The following ZDHHC13 variants were observed in gnomAD, a reference collection of about 807,000 sequenced individuals.
The protein encoded by ZDHHC13 is zDHHC palmitoyltransferase 13.
A neutral mutation model predicts 86.0 loss-of-function variants in ZDHHC13; 85 were observed. That is an observed-to-expected ratio of 0.99 (90% confidence interval 0.83 to 1.18). The LOEUF is 1.18. Among genes scored for constraint, ZDHHC13 ranks in the 50% most tolerant of loss-of-function variants. The pLI is 0.00. For missense variants in ZDHHC13, 711 were observed against 730.2 expected (o/e 0.97, Z 0.30); for synonymous variants, 263 against 246.4 (o/e 1.07, Z -0.63).
chr11:19,130,672 T>C (rs966169572), intron 1 of ZDHHC13, among the ~76,000 whole-genome samples: 2 of 152,198 alleles, frequency 1.3e-5, no homozygotes, highest in African/African-American at 4.8e-5. Flanking sequence ...TTTTTGGTAA[T>C]ATAAGCATTT....
rs114355996 is a variant in ZDHHC13, at chr11:19,150,810, A to G, written c.584+19A>G. On this transcript the variant is annotated intron_variant, in intron 6 of 16. Coordinates refer to ENST00000446113, the MANE Select transcript of ZDHHC13 (RefSeq NM_019028.3). ...TAATTGGGTGAGTTTAATTTAGTCC[A>G]CTCAATCTCATTCTTGGTTCCAACT... is the stretch of plus-strand genomic sequence containing the variant. 1.3e-3 allele frequency: 2,070 copies of G among 1,600,570 alleles called. 20 individuals carry two copies. The African/African-American group carries it at 0.025, about 19-fold the overall frequency.
At position 19,117,317 on chromosome 11, in the gene ZDHHC13, A is replaced by G. The variant is rs1848666071; in HGVS notation, c.27+41A>G. ...CGGTGGCTGTCCTGGGGGCCGGGAG[A>G]GCGGCTGCAGCTGTGGAGGAAAGGA... On this transcript the variant is annotated intron_variant, in intron 1 of 16. Transcript: ENST00000446113. This position sits in a 1 kb window ranked among gnomAD's most constrained non-coding sequence, Gnocchi z 4.2. 2 of 1,434,686 alleles carry G rather than the reference A, an allele frequency of 1.4e-6. No individual in the cohort carries two copies. Among genetic ancestry groups the G allele is most frequent in the South Asian group, 2.8e-5 (2 of 72,032 alleles). 88.9% of individuals were successfully genotyped at this position (1,434,686 alleles called of 1,614,324 possible).
chr11:19,162,377 T>G (rs1393955), intron 10 of ZDHHC13, among the ~76,000 whole-genome samples: 2 of 151,998 alleles, frequency 1.3e-5, no homozygotes, highest in African/African-American at 2.4e-5. Flanking sequence ...TCTGAGTGCC[T>G]TAGATAAAGC....
chr11:19,166,569 G>A (rs1325580833), intron 14 of ZDHHC13, 184 bp downstream of exon 14: 1 of 480,184 alleles, frequency 2.1e-6, no homozygotes, highest in East Asian at 3.5e-5. Context: ...GATGAGGTTA[G>A]TTCTCAGTAC....
rs769969649 is a variant in ZDHHC13, at chr11:19,147,651, A to T, written c.352A>T (p.Thr118Ser). The change falls in exon 4 of 17, where the codon ACT becomes TCT. Residue 118 changes from threonine (T) to serine (S), a missense_variant. Physicochemically the swap from Thr to Ser is moderately conservative, Grantham distance 58. Transcript: ENST00000446113. Reference protein sequence around the residue: ...VDQLGGDLNSTPLHWAIRQGH... With the variant: ...VDQLGGDLNSSPLHWAIRQGH... ...TCAGTTGGGTGGAGATTTAAATTCA[A>T]CTCCTCTTCACTGGGCCATCCGGTA... is the stretch of plus-strand genomic sequence containing the variant. 4.4e-6 allele frequency: 7 copies of T among 1,600,344 alleles called. No homozygotes were observed. Among genetic ancestry groups the T allele is most frequent in the Non-Finnish European group, 6.0e-6 (7 of 1,172,712 alleles).
In ZDHHC13 at chr11:19,146,110, A is replaced by G. The variant is rs1479214895; in HGVS notation, c.174-71A>G. 1.0e-5 allele frequency: 15 copies of G among 1,448,688 alleles called. No homozygotes were observed. In the Middle Eastern group the frequency reaches 1.6e-3, roughly 156 times the overall value. The allele number at this position is 1,448,688 out of a possible 1,614,324, so 89.7% of individuals were successfully genotyped here. ...AGTTTGGATAGTGAAAAGATATAGTAAAGTGAAGAAATTTTGATATTTGAA... is the reference window on the plus strand; with the variant it reads ...AGTTTGGATAGTGAAAAGATATAGTGAAGTGAAGAAATTTTGATATTTGAA... On this transcript the variant is annotated intron_variant, in intron 2 of 16. Transcript: ENST00000446113.
chr11:19,144,432 A>AGAGAGTGTGTGTGTGTGTGTGT (rs377410572), intron 2 of ZDHHC13, among the ~76,000 whole-genome samples: 1 of 143,074 alleles, frequency 7.0e-6, no homozygotes, highest in African/African-American at 2.6e-5. Flanking sequence ...AGAGCTATGG[A>AGAGAGTGTGTGTGTGTGTGTGT]GTGTGTGTGT....
At chr11:19,175,312 C>A (rs1442532479) in intron 16 of ZDHHC13, among the ~76,000 whole-genome samples, 1 of 139,368 alleles carries the variant, frequency 7.2e-6, no homozygotes, top group Admixed American at 8.0e-5. Flanking sequence ...ATGGCGTGAA[C>A]CTGGGAGGTA....
At chr11:19,121,645 G>A (rs1848761117) in intron 1 of ZDHHC13, among the ~76,000 whole-genome samples, 1 of 152,118 alleles carries the variant, frequency 6.6e-6, no homozygotes, top group African/African-American at 2.4e-5. Flanking sequence ...AGTCTGTTCT[G>A]TTACCTTAAC....
intron 4 of ZDHHC13, 63 bp downstream of exon 4, chr11:19,147,736 A>T (rs916145403): frequency 1.5e-6 from 2 of 1,330,336 alleles, no homozygotes; most frequent in African/African-American, 2.9e-5. Context: ...CCATATAAAA[A>T]ATCAGTTATA....
chr11:19,161,967 C>T (rs1036380405), intron 10 of ZDHHC13, among the ~76,000 whole-genome samples: 4 of 152,070 alleles, frequency 2.6e-5, no homozygotes, highest in African/African-American at 9.7e-5. Context: ...CTGGTGTTTG[C>T]TCTGTTTTGA....
intron 7 of ZDHHC13, 115 bp downstream of exon 7, chr11:19,152,435 T>C: frequency 6.9e-7 from 1 of 1,446,914 alleles, no homozygotes; most frequent in Non-Finnish European, 9.2e-7. Context: ...TAGATATAAA[T>C]GATAATAGCT....
At chr11:19,167,268 T>C (rs1850096988) in intron 14 of ZDHHC13, 1 of 152,234 alleles carries the variant, frequency 6.6e-6, no homozygotes, top group Non-Finnish European at 1.5e-5. Context: ...AGTAGGGTAC[T>C]AGTTTGTTGC....
intron 1 of ZDHHC13, among the ~76,000 whole-genome samples, chr11:19,135,572 C>G (rs1849114984): frequency 1.3e-5 from 2 of 152,252 alleles, no homozygotes; most frequent in African/African-American, 2.4e-5. Context: ...GAGCCCACCA[C>G]AGCTCAAGGA....
At chr11:19,142,875 A>G in intron 1 of ZDHHC13, 103 bp from the exon 2 acceptor site, 15 of 1,257,846 alleles carry the variant, frequency 1.2e-5, no homozygotes, top group Non-Finnish European at 1.6e-5. Context: ...CAAAAAATGT[A>G]ATTTATTAAT....
chr11:19,163,498 T>G, intron 11 of ZDHHC13, 71 bp downstream of exon 11: 1 of 1,388,274 alleles, frequency 7.2e-7, no homozygotes, highest in South Asian at 1.8e-5. Flanking sequence ...TATGCACATA[T>G]GCAGATGTGT....
At chr11:19,134,020 G>A (rs1849068295) in intron 1 of ZDHHC13, among the ~76,000 whole-genome samples, 2 of 149,432 alleles carry the variant, frequency 1.3e-5, no homozygotes, top group East Asian at 3.9e-4. Flanking sequence ...AAAAATATGA[G>A]TCTCTTTTAT....
rs1053435761 is a variant in ZDHHC13, at chr11:19,164,458, T to C, written c.1296+95T>C. 1.3e-5 allele frequency: 16 copies of C among 1,203,930 alleles called. No individual in the cohort carries two copies. The African/African-American group carries it at 1.4e-4, about 10-fold the overall frequency. The allele number at this position is 1,203,930 out of a possible 1,614,324, so 74.6% of individuals were successfully genotyped here. A position where few individuals can be genotyped will look rare whatever the true frequency, so the allele number is the denominator to read the frequency against. ...TTGTCAGATCTTCATGGTATATTTA[T>C]ACACCTTTGTTTTTACCCATTTCTA... On this transcript the variant is annotated intron_variant, in intron 12 of 16. Transcript: ENST00000446113.
chr11:19,131,421 A>G (rs1177371017), intron 1 of ZDHHC13, among the ~76,000 whole-genome samples: 1 of 152,176 alleles, frequency 6.6e-6, no homozygotes, highest in Admixed American at 6.5e-5. Flanking sequence ...ATTTTCGCCA[A>G]CTTTGGAAGA....
Sources: allele counts gnomAD v4.1 joint callset (sites outside exome capture counted in the v4.1 genomes callset), GRCh38; gene constraint gnomAD v4.1.1; non-coding constraint Gnocchi (gnomAD v3.1); transcripts MANE v1.5; gene names NCBI Gene and HGNC (gene_info 2026-07-23, HGNC 2026-07-21).